The following TMTC2 variants were observed in gnomAD, a reference collection of about 807,000 sequenced individuals.
The protein encoded by TMTC2 is protein O-mannosyl-transferase TMTC2.
TMTC2 carries 43 observed loss-of-function variants against 82.4 expected under a neutral mutation model. That is an observed-to-expected ratio of 0.52 (90% CI 0.41 to 0.67). The LOEUF is 0.67. Among genes scored for constraint, TMTC2 ranks in the 30% least tolerant of loss-of-function variants. The pLI, the probability that TMTC2 is intolerant of heterozygous loss-of-function variation, is 0.00. For missense variants in TMTC2, 919 were observed against 1,012.4 expected (o/e 0.91, Z 1.25); for synonymous variants, 408 against 381.9 (o/e 1.07, Z -0.80).
chr12:82,809,103 A>G (rs933377358), intron 1 of TMTC2, among the ~76,000 whole-genome samples: 1 of 149,574 alleles, frequency 6.7e-6, no homozygotes, highest in Non-Finnish European at 1.5e-5. Flanking sequence ...TTATTTATAT[A>G]TCTATAGTAT....
intron 7 of TMTC2, among the ~76,000 whole-genome samples, chr12:82,975,463 A>G (rs1878626200): frequency 6.6e-6 from 1 of 152,168 alleles, no homozygotes; most frequent in Admixed American, 6.5e-5. Flanking sequence ...TGAAAATAGA[A>G]CATGCAGAGT....
chr12:83,116,146 C>A (rs995778693), intron 11 of TMTC2, among the ~76,000 whole-genome samples: 3 of 152,150 alleles, frequency 2.0e-5, no homozygotes, highest in African/African-American at 7.2e-5. Flanking sequence ...CATAGCTTAG[C>A]TCCCACTTAT....
At chr12:82,968,943 A>G (rs777523313) in intron 7 of TMTC2, among the ~76,000 whole-genome samples, 2 of 152,144 alleles carry the variant, frequency 1.3e-5, no homozygotes, top group Non-Finnish European at 2.9e-5. Context: ...TTCTACGATT[A>G]TGGTGGCTGC....
intron 3 of TMTC2, among the ~76,000 whole-genome samples, chr12:82,897,965 A>G (rs199758861): frequency 9.6e-5 from 3 of 31,392 alleles, no homozygotes; most frequent in East Asian, 8.5e-4. Context: ...TAATAGGTGT[A>G]TATATATATA....
At chr12:82,957,035 A>G (rs1455394046) in intron 4 of TMTC2, among the ~76,000 whole-genome samples, 1 of 152,170 alleles carries the variant, frequency 6.6e-6, no homozygotes, top group Admixed American at 6.5e-5. Context: ...AACTGGACTG[A>G]TAGATATCTA....
intron 1 of TMTC2, among the ~76,000 whole-genome samples, chr12:82,731,298 G>A (rs1874797225): frequency 6.6e-6 from 1 of 152,218 alleles, no homozygotes; most frequent in Admixed American, 6.5e-5. Context: ...TTCTGCGTAG[G>A]TTGCCAACGT....
intron 1 of TMTC2, among the ~76,000 whole-genome samples, chr12:82,816,344 T>C (rs1252889400): frequency 6.6e-6 from 1 of 152,058 alleles, no homozygotes; most frequent in Non-Finnish European, 1.5e-5. Flanking sequence ...TCATTTAAAA[T>C]TGAAGATATC....
chr12:83,084,248 A>G (rs962234036), intron 11 of TMTC2, among the ~76,000 whole-genome samples: 6 of 152,202 alleles, frequency 3.9e-5, no homozygotes, highest in African/African-American at 1.4e-4. Context: ...TGGGACAGCT[A>G]TTATAGAGTT....
At chr12:83,021,649 T>C (rs1880935436) in intron 8 of TMTC2, among the ~76,000 whole-genome samples, 1 of 152,048 alleles carries the variant, frequency 6.6e-6, no homozygotes, top group African/African-American at 2.4e-5. Flanking sequence ...TTTTCCATTA[T>C]ATCCACACCT....
chr12:82,693,968 C>CAAAAA (rs1005660355), intron 1 of TMTC2, among the ~76,000 whole-genome samples: 2 of 41,424 alleles, frequency 4.8e-5, no homozygotes, highest in African/African-American at 8.8e-5. Context: ...AACTCCATCT[C>CAAAAA]AAAAAAAAAA....
At chr12:82,906,343 G>C (rs911872750) in intron 3 of TMTC2, among the ~76,000 whole-genome samples, 2 of 152,066 alleles carry the variant, frequency 1.3e-5, no homozygotes, top group Admixed American at 6.6e-5. Context: ...TTTTTCAACA[G>C]AAGTTCAGAT....
chr12:82,714,694 A>C (rs1461198244), intron 1 of TMTC2, among the ~76,000 whole-genome samples: 3 of 152,104 alleles, frequency 2.0e-5, no homozygotes, highest in Non-Finnish European at 2.9e-5. Flanking sequence ...GAATTGTGTT[A>C]GGGACCGTGA....
chr12:82,801,536 T>G (rs1878999452), intron 1 of TMTC2, among the ~76,000 whole-genome samples: 1 of 152,138 alleles, frequency 6.6e-6, no homozygotes, highest in South Asian at 2.1e-4. Flanking sequence ...ATTGGTCTGT[T>G]TTACAGAGAG....
At chr12:83,028,659 A>C (rs1420925724) in intron 8 of TMTC2, among the ~76,000 whole-genome samples, 2 of 152,134 alleles carry the variant, frequency 1.3e-5, no homozygotes, top group Non-Finnish European at 2.9e-5. Flanking sequence ...TATAGTTACA[A>C]GTTGAAATAA....
chr12:82,827,785 C>G (rs1869501828), intron 1 of TMTC2, among the ~76,000 whole-genome samples: 1 of 151,906 alleles, frequency 6.6e-6, no homozygotes, highest in African/African-American at 2.4e-5. Flanking sequence ...GCAGCCTTGA[C>G]CTCTCAGGCT....
chr12:82,687,854 C>A (rs939519141), intron 1 of TMTC2, among the ~76,000 whole-genome samples, 185 bp downstream of exon 1: 4 of 152,084 alleles, frequency 2.6e-5, no homozygotes, highest in African/African-American at 9.7e-5. Flanking sequence ...CTGGGCGGGC[C>A]GAGGGAGTTT....
chr12:82,926,573 C>G (rs185654161), intron 3 of TMTC2, among the ~76,000 whole-genome samples: 2 of 152,308 alleles, frequency 1.3e-5, no homozygotes, highest in African/African-American at 4.8e-5. Flanking sequence ...GTGGCTACAA[C>G]TAAACAATGG....
intron 1 of TMTC2, among the ~76,000 whole-genome samples, chr12:82,742,905 T>C (rs961997484): frequency 1.3e-5 from 2 of 152,226 alleles, no homozygotes; most frequent in African/African-American, 4.8e-5. Context: ...TCATATGATT[T>C]CATTAACTCA....
intron 1 of TMTC2, among the ~76,000 whole-genome samples, chr12:82,722,398 CAAAAAAAAAAAAA>C (rs67785786): frequency 9.7e-6 from 1 of 102,590 alleles, no homozygotes; most frequent in Non-Finnish European, 1.8e-5. Context: ...ACTAAAAATA[CAAAAAAAAAAAAA>C]AAAAAATTAG....
Sources: allele counts gnomAD v4.1 joint callset (sites outside exome capture counted in the v4.1 genomes callset), GRCh38; gene constraint gnomAD v4.1.1; transcripts MANE v1.5; gene names NCBI Gene and HGNC (gene_info 2026-07-23, HGNC 2026-07-21).